R3HCC1: variants seen among roughly 807,000 people sequenced by gnomAD.
R3HCC1 encodes the protein R3H domain and coiled-coil containing 1.
A neutral mutation model predicts 40.0 loss-of-function variants in R3HCC1; 32 were observed. That is an observed-to-expected ratio of 0.80 (90% CI 0.60 to 1.07). R3HCC1 has a LOEUF of 1.07. Ranked by LOEUF, R3HCC1 falls within the 50% of genes least tolerant of loss-of-function variation. The probability of loss-of-function intolerance (pLI) is 0.00; values close to 1 mark genes in which losing one functional copy is unlikely to be tolerated. For missense variants in R3HCC1, 586 were observed against 563.3 expected (o/e 1.04, Z -0.41); for synonymous variants, 237 against 232.8 (o/e 1.02, Z -0.17).
Position 23,290,427 on chromosome 8 carries a change from C to T in R3HCC1, c.810C>T (p.Pro270=), listed in dbSNP as rs759398955. 6.4e-6 allele frequency: 10 copies of T among 1,551,454 alleles called. No individual in the cohort carries two copies. Among genetic ancestry groups the T allele is most frequent in the Middle Eastern group, 1.7e-4 (1 of 5,980 alleles). ...AAGAGGAGGTGGAAGAGGATGGCCC[C>T]AGCAGCTGCTCGGAGGACGATTACA... Residue 270 remains proline, a synonymous_variant, in exon 4 of 8, where the codon CCC becomes CCT. Transcript: ENST00000265806.
rs113336041 is a variant in R3HCC1 at position 23,296,197 on chromosome 8, C to T, written c.*100C>T. 1.9e-4 allele frequency: 259 copies of T among 1,353,548 alleles called. 1 individual carries two copies. The African/African-American group carries it at 2.9e-3, about 15-fold the overall frequency. 83.8% of individuals were successfully genotyped at this position (1,353,548 alleles called of 1,614,324 possible). A position where few individuals can be genotyped will look rare whatever the true frequency, so the allele number is the denominator to read the frequency against. On this transcript the variant is annotated 3_prime_UTR_variant, in exon 8 of 8. Coordinates refer to ENST00000265806, the MANE Select transcript of R3HCC1 (RefSeq NM_001136108.3). ...CGCCAGAGCAGCCCCGCACCACCCT[C>T]GAGCTTCACCATGGGGTGTGGTGGG...
chr8:23,289,933 G>T lies in R3HCC1; in HGVS notation c.316G>T (p.Gly106Cys). Residue 106 changes from glycine to cysteine, a missense_variant, in exon 4 of 8, where the codon GGT becomes TGT. By Grantham distance (159) the Gly-to-Cys change is radical. Transcript: ENST00000265806. ...TGCCTCCTGCCCCAGCAGGTACCACGGTCCTCGGCCCATCTCCAACCAAGG... is the reference window on the plus strand; with the variant it reads ...TGCCTCCTGCCCCAGCAGGTACCACTGTCCTCGGCCCATCTCCAACCAAGG... 1.3e-6 allele frequency: 2 copies of T among 1,536,058 alleles called. No individual in the cohort carries two copies. Among genetic ancestry groups the T allele is most frequent in the East Asian group, 2.4e-5 (1 of 40,926 alleles).
chr8:23,288,162 G>A lies in R3HCC1; in HGVS notation c.-19+5G>A. On this transcript the variant is annotated splice_donor_5th_base_variant and intron_variant, in intron 1 of 7. Transcript: ENST00000265806. ...GCGACGCGCCGAGAGGCCGCGGTGA[G>A]TGCAGCAGCACTGGGGGGGTGGTCG... 2.4e-6 allele frequency: 3 copies of A among 1,237,312 alleles called. No individual in the cohort carries two copies. Among genetic ancestry groups the A allele is most frequent in the Non-Finnish European group, 3.1e-6 (3 of 969,188 alleles). The allele number at this position is 1,237,312 out of a possible 1,614,324, so 76.6% of individuals were successfully genotyped here.
In R3HCC1 at chr8:23,291,697, C is replaced by T. The variant is rs115794512; in HGVS notation, c.1025+164C>T. ...TGTATTCCTGGGCAGTTCTCCCTGCCGGCCGTCCCTCGGGAAAGAGAGCAC... is the reference window on the plus strand; with the variant it reads ...TGTATTCCTGGGCAGTTCTCCCTGCTGGCCGTCCCTCGGGAAAGAGAGCAC... On this transcript the variant is annotated intron_variant, in intron 5 of 7. Transcript: ENST00000265806. Among the ~76,000 whole-genome samples the T allele has an allele frequency of 4.0e-3, 603 of 152,306 alleles. 5 individuals carry two copies. Among genetic ancestry groups the T allele is most frequent in the African/African-American group, 0.014 (568 of 41,556 alleles).
chr8:23,289,286 G>T, intron 3 of R3HCC1, 133 bp downstream of exon 3: 1 of 1,012,680 alleles, frequency 9.9e-7, no homozygotes, highest in Non-Finnish European at 1.4e-6. Context: ...CCTAGCTGCA[G>T]CTGCTCAGCC....
chr8:23,291,066 C>A (rs924375641), intron 4 of R3HCC1: 2 of 272,110 alleles, frequency 7.3e-6, no homozygotes, highest in Non-Finnish European at 1.4e-5. Context: ...AACTCTTGGG[C>A]CTTCAGTTTC....
intron 7 of R3HCC1, 103 bp downstream of exon 7, chr8:23,294,967 T>TCCCCTCTGTTAATTCTTCCCGCTTGA: frequency 1.2e-6 from 1 of 861,604 alleles, no homozygotes; most frequent in Non-Finnish European, 1.9e-6. Context: ...GGCAGGGTCT[T>TCCCCTCTGTTAATTCTTCCCGCTTGA]CCCCTCTGTT....
At chr8:23,289,614 G>T (rs1261853522) in intron 3 of R3HCC1, among the ~76,000 whole-genome samples, 3 of 152,188 alleles carry the variant, frequency 2.0e-5, no homozygotes, top group Non-Finnish European at 4.4e-5. Flanking sequence ...ACCTCCCCTG[G>T]TGTGTAACTG....
Position 23,294,897 on chromosome 8 carries a change from CTGTGTGTGTGTGTGTGCGTGCGAGCA to C in R3HCC1, c.1192+46_1192+71del, listed in dbSNP as rs755080073. Reference sequence around the variant, plus strand: ...AAGCGCATGTCCCTGAATAGGGAGGCTGTGTGTGTGTGTGTGCGTGCGAGCATGTGTGTGTGTGCGTGTGTGTGTGT... The same window carrying C: ...AAGCGCATGTCCCTGAATAGGGAGGCTGTGTGTGTGTGCGTGTGTGTGTGT... On this transcript the variant is annotated intron_variant, in intron 7 of 7. Coordinates refer to ENST00000265806, the MANE Select transcript of R3HCC1 (RefSeq NM_001136108.3). The C allele has an allele frequency of 1.1e-3, 1,491 of 1,374,730 alleles. 10 individuals carry two copies. Among genetic ancestry groups the C allele is most frequent in the South Asian group, 5.0e-3 (384 of 77,218 alleles). The allele number at this position is 1,374,730 out of a possible 1,614,324, so 85.2% of individuals were successfully genotyped here.
At chr8:23,289,271 C>T (rs945330165) in intron 3 of R3HCC1, 118 bp downstream of exon 3, 2 of 1,126,146 alleles carry the variant, frequency 1.8e-6, no homozygotes. Flanking sequence ...CCGGCTGCTG[C>T]CATTCCTAGC....
At chr8:23,293,142 A>C (rs372641118) in intron 5 of R3HCC1, among the ~76,000 whole-genome samples, 161 bp from the exon 6 acceptor site, 1 of 152,114 alleles carries the variant, frequency 6.6e-6, no homozygotes, top group East Asian at 1.9e-4. Context: ...GCTTCAGAGG[A>C]AATTTGCTGC....
chr8:23,293,983 A>G lies in R3HCC1; in HGVS notation c.1096+610A>G, dbSNP rs530716456. Among the ~76,000 whole-genome samples, 23 of 152,258 alleles carry G rather than the reference A, an allele frequency of 1.5e-4. No individual in the cohort carries two copies. The South Asian group carries it at 4.6e-3, about 30-fold the overall frequency. On this transcript the variant is annotated intron_variant, in intron 6 of 7. Coordinates refer to ENST00000265806, the MANE Select transcript of R3HCC1 (RefSeq NM_001136108.3). Reference sequence around the variant, plus strand: ...ACCGTGCTTACATTTGGTATAATTTATAGTTACCCGCGCCACGCCCCCTTT... The same window carrying G: ...ACCGTGCTTACATTTGGTATAATTTGTAGTTACCCGCGCCACGCCCCCTTT...
chr8:23,291,011 C>T (rs1802856294), intron 4 of R3HCC1: 2 of 217,478 alleles, frequency 9.2e-6, no homozygotes, highest in Non-Finnish European at 1.8e-5. Context: ...TTGGACTTGC[C>T]CAGCTCTGCC....
At position 23,295,961 on chromosome 8, in the gene R3HCC1, T is replaced by A; in HGVS notation, c.1193-6T>A. On this transcript the variant is annotated splice_region_variant and splice_polypyrimidine_tract_variant and intron_variant, in intron 7 of 7. Transcript: ENST00000265806. ...TTAGGTCCCCACTGTGGGGCTTTCC[T>A]TCTAGAACTCCTGCGTCTGGTGAAG... is the stretch of plus-strand genomic sequence containing the variant. The A allele has an allele frequency of 6.5e-7, 1 of 1,548,246 alleles. No individual in the cohort carries two copies.
intron 5 of R3HCC1, among the ~76,000 whole-genome samples, chr8:23,292,053 CCTT>C (rs1321567760): frequency 2.0e-5 from 3 of 152,200 alleles, no homozygotes; most frequent in South Asian, 4.1e-4. Context: ...TCCTGTCTTT[CCTT>C]CTTTTTTCTT....
intron 4 of R3HCC1, 113 bp downstream of exon 4, chr8:23,290,582 T>C: frequency 2.4e-6 from 3 of 1,257,556 alleles, no homozygotes; most frequent in South Asian, 3.1e-5. Flanking sequence ...CAAGGGGAGG[T>C]AGGGCTGGGT....
intron 5 of R3HCC1, among the ~76,000 whole-genome samples, 176 bp downstream of exon 5, chr8:23,291,709 G>A (rs528654717): frequency 5.6e-4 from 86 of 152,230 alleles, no homozygotes; most frequent in Non-Finnish European, 1.1e-3. Context: ...GCCGTCCCTC[G>A]GGAAAGAGAG....
At chr8:23,293,242 T>C (rs921040181) in intron 5 of R3HCC1, 61 bp from the exon 6 acceptor site, 2 of 1,401,140 alleles carry the variant, frequency 1.4e-6, no homozygotes, top group African/African-American at 2.9e-5. Context: ...GGCTGCGGGA[T>C]TCGAAGAGGA....
intron 7 of R3HCC1, chr8:23,295,458 G>A: frequency 2.2e-6 from 1 of 457,156 alleles, no homozygotes; most frequent in Middle Eastern, 3.2e-4. Context: ...TCTACTTCCA[G>A]AAACCATGGT....
Sources: allele counts gnomAD v4.1 joint callset (sites outside exome capture counted in the v4.1 genomes callset), GRCh38; gene constraint gnomAD v4.1.1; transcripts MANE v1.5; gene names NCBI Gene and HGNC (gene_info 2026-07-23, HGNC 2026-07-21).